Variants in STXBP5L observed in about 807,000 individuals in gnomAD.
STXBP5L encodes the protein syntaxin-binding protein 5-like.
In STXBP5L, 65 loss-of-function variants were observed where a neutral mutation model predicts 144.5. The observed-to-expected ratio is 0.45, with a 90% CI of 0.37 to 0.55. STXBP5L has a LOEUF of 0.55. Ranked by LOEUF, STXBP5L falls within the 20% of genes least tolerant of loss-of-function variation. The pLI is 0.00. For missense variants in STXBP5L, 1,298 were observed against 1,405.5 expected (o/e 0.92, Z 1.22); for synonymous variants, 505 against 469.6 (o/e 1.08, Z -0.97).
chr3:121,288,074 CA>C (rs1383520479), intron 19 of STXBP5L, among the ~76,000 whole-genome samples: 1 of 152,050 alleles, frequency 6.6e-6, no homozygotes, highest in Admixed American at 6.5e-5. Flanking sequence ...TTAGAGTAGC[CA>C]AAACAGCTTT....
intron 22 of STXBP5L, among the ~76,000 whole-genome samples, chr3:121,403,495 T>C (rs2046929897): frequency 6.6e-6 from 1 of 152,162 alleles, no homozygotes; most frequent in Non-Finnish European, 1.5e-5. Context: ...TTTTTCTTTC[T>C]ACTGAATCAT....
chr3:121,101,394 A>G (rs1322233543), intron 5 of STXBP5L, among the ~76,000 whole-genome samples: 2 of 152,180 alleles, frequency 1.3e-5, no homozygotes, highest in East Asian at 1.9e-4. Flanking sequence ...TTAATTCACC[A>G]TGATCAATTA....
chr3:121,136,889 T>C (rs1263784338), intron 7 of STXBP5L, among the ~76,000 whole-genome samples: 2 of 152,226 alleles, frequency 1.3e-5, no homozygotes, highest in Non-Finnish European at 2.9e-5. Flanking sequence ...CATGGAATAC[T>C]ACATAGCTAT....
chr3:121,418,073 A>C (rs947926717), intron 25 of STXBP5L, among the ~76,000 whole-genome samples: 6 of 152,260 alleles, frequency 3.9e-5, no homozygotes, highest in African/African-American at 9.6e-5. Flanking sequence ...CCAATTCAGC[A>C]TCAAGAAATG....
intron 2 of STXBP5L, among the ~76,000 whole-genome samples, chr3:120,918,191 G>A (rs1422018447): frequency 6.6e-6 from 1 of 152,026 alleles, no homozygotes; most frequent in Non-Finnish European, 1.5e-5. Flanking sequence ...TAATATTTAA[G>A]GATGCCTATG....
intron 14 of STXBP5L, among the ~76,000 whole-genome samples, chr3:121,249,691 C>T (rs1288538862): frequency 6.6e-6 from 1 of 151,964 alleles, no homozygotes; most frequent in Non-Finnish European, 1.5e-5. Flanking sequence ...TTTTTCTTCC[C>T]TATTTCAGTG....
chr3:121,158,222 G>A (rs1452292272), intron 9 of STXBP5L: 1 of 152,134 alleles, frequency 6.6e-6, no homozygotes, highest in East Asian at 1.9e-4. Context: ...CAATTCAAAT[G>A]TATAAATATA....
chr3:121,332,881 GTAA>G (rs2044370022), intron 20 of STXBP5L, among the ~76,000 whole-genome samples: 2 of 152,100 alleles, frequency 1.3e-5, no homozygotes, highest in African/African-American at 4.8e-5. Context: ...AAAGCATCAG[GTAA>G]CCTATACAGG....
At position 121,298,658 on chromosome 3, in the gene STXBP5L, G is replaced by C. The variant is rs1377516819; in HGVS notation, c.2110+18702G>C. On this transcript the variant is annotated intron_variant, in intron 19 of 26. Transcript: ENST00000471454. Reference sequence around the variant, plus strand: ...CACTAGATGAAATAAGCCAGTCATAGAAGGACAAATATTATATGATTCCAC... The same window carrying C: ...CACTAGATGAAATAAGCCAGTCATACAAGGACAAATATTATATGATTCCAC... Among the ~76,000 whole-genome samples, 3 of 152,080 alleles carry C rather than the reference G, an allele frequency of 2.0e-5. No individual in the cohort carries two copies. The East Asian group carries it at 5.8e-4, about 29-fold the overall frequency.
intron 10 of STXBP5L, among the ~76,000 whole-genome samples, chr3:121,219,760 A>G (rs2048917488): frequency 6.6e-6 from 1 of 152,154 alleles, no homozygotes; most frequent in African/African-American, 2.4e-5. Flanking sequence ...CAATATACCC[A>G]TCTGTTAAAT....
At chr3:121,074,805 G>A (rs965057630) in intron 5 of STXBP5L, among the ~76,000 whole-genome samples, 1 of 152,136 alleles carries the variant, frequency 6.6e-6, no homozygotes, top group Non-Finnish European at 1.5e-5. Flanking sequence ...AATTTCTGGA[G>A]CAAGGCTTTT....
At chr3:121,359,797 T>C (rs920136298) in intron 20 of STXBP5L, among the ~76,000 whole-genome samples, 1 of 151,786 alleles carries the variant, frequency 6.6e-6, no homozygotes, top group African/African-American at 2.4e-5. Context: ...TTCTGTCCCA[T>C]TGGTCAATAT....
chr3:121,279,885 A>G lies in STXBP5L; in HGVS notation c.2039A>G (p.Asp680Gly). ...GTACTGTTAAGCATGGGGACCATTG[A>G]CCTATATAGATCAAGTGACTTATAC... is the stretch of plus-strand genomic sequence containing the variant. Reference protein sequence around the residue: ...KTVLLSMGTIDLYRSSDLYQR... With the variant: ...KTVLLSMGTIGLYRSSDLYQR... The change falls in exon 19 of 27, where the codon GAC (aspartate) becomes GGC (glycine). Residue 680 changes from aspartate to glycine, a missense_variant. Asp to Gly is a moderately conservative substitution (Grantham distance 94, BLOSUM62 -1). Transcript: ENST00000471454. 6.2e-7 allele frequency: 1 copy of G among 1,612,616 alleles called. No individual in the cohort carries two copies. Among genetic ancestry groups the G allele is most frequent in the Non-Finnish European group, 8.5e-7 (1 of 1,178,972 alleles).
intron 3 of STXBP5L, among the ~76,000 whole-genome samples, chr3:120,970,016 TTA>T (rs1212203868): frequency 6.6e-6 from 1 of 152,048 alleles, no homozygotes; most frequent in Admixed American, 6.6e-5. Flanking sequence ...TTAAAACTGA[TTA>T]TGACTTAACT....
At chr3:120,964,979 C>T (rs1273349169) in intron 3 of STXBP5L, among the ~76,000 whole-genome samples, 1 of 152,098 alleles carries the variant, frequency 6.6e-6, no homozygotes, top group African/African-American at 2.4e-5. Context: ...TATATATTTA[C>T]AGTAGTTAGC....
At chr3:121,011,123 A>G (rs1374811001) in intron 3 of STXBP5L, among the ~76,000 whole-genome samples, 1 of 150,346 alleles carries the variant, frequency 6.7e-6, no homozygotes, top group African/African-American at 2.4e-5. Context: ...TCGCCGAGGT[A>G]GTTACAGCAT....
At chr3:121,406,504 C>T (rs1035554919) in intron 22 of STXBP5L, among the ~76,000 whole-genome samples, 2 of 151,988 alleles carry the variant, frequency 1.3e-5, no homozygotes, top group African/African-American at 4.8e-5. Context: ...GCCCAAACTA[C>T]CTCCTAAGCT....
chr3:121,040,208 G>A (rs1225961921), intron 3 of STXBP5L, among the ~76,000 whole-genome samples: 2 of 151,860 alleles, frequency 1.3e-5, no homozygotes, highest in Non-Finnish European at 2.9e-5. Flanking sequence ...AAAGGTTTTC[G>A]TATTTCTATA....
intron 20 of STXBP5L, among the ~76,000 whole-genome samples, chr3:121,356,622 A>G (rs760584923): frequency 6.6e-6 from 1 of 152,192 alleles, no homozygotes; most frequent in Non-Finnish European, 1.5e-5. Flanking sequence ...TAGGAAAGGG[A>G]AATCCCCAAC....
Sources: gnomAD v4.1 joint callset for allele counts (sites outside exome capture counted in the v4.1 genomes callset) on GRCh38, gnomAD v4.1.1 for gene constraint, MANE v1.5 for transcripts, NCBI Gene and HGNC (gene_info 2026-07-23, HGNC 2026-07-21) for gene names.